LTBP1: variants seen among roughly 807,000 people sequenced by gnomAD.
The protein encoded by LTBP1 is latent transforming growth factor beta binding protein 1, also known as latent-transforming growth factor beta-binding protein 1.
In LTBP1, 129 loss-of-function variants were observed where a neutral mutation model predicts 207.6. That is an observed-to-expected ratio of 0.62 (90% CI 0.54 to 0.72). The LOEUF (loss-of-function observed/expected upper bound fraction) is 0.72. Among genes scored for constraint, LTBP1 ranks in the 30% least tolerant of loss-of-function variants. The pLI, the probability that LTBP1 is intolerant of heterozygous loss-of-function variation, is 0.00. For synonymous variants in LTBP1, 963 were observed against 833.7 expected, an observed-to-expected ratio of 1.16 and a Z score of -2.67; for missense variants, 2,281 against 2,217.2, an observed-to-expected ratio of 1.03 and a Z score of -0.58.
At chr2:33,243,574 A>T (rs2092408741) in intron 9 of LTBP1, 88 bp from the exon 10 acceptor site, 2 of 1,199,406 alleles carry the variant, frequency 1.7e-6, no homozygotes, top group South Asian at 1.4e-5. Flanking sequence ...AGATTACTAT[A>T]GTGAAAAAGG....
intron 5 of LTBP1, among the ~76,000 whole-genome samples, chr2:33,155,214 C>T (rs551983255): frequency 3.3e-5 from 5 of 152,172 alleles, no homozygotes; most frequent in South Asian, 2.1e-4. Flanking sequence ...TACAGGCGCG[C>T]GCCACCATGC....
In LTBP1 at chr2:33,188,569, TGTTG is replaced by T; in HGVS notation, c.1427-7_1427-4del. 1 of 1,603,314 alleles carries T rather than the reference TGTTG, an allele frequency of 6.2e-7. No homozygotes were observed. The highest frequency in any genetic ancestry group is 2.2e-5 in the East Asian group (1 of 44,738). ...GGACTAACAAGTTTTCCTCCCAATC[TGTTG>T]TAGTGAAATTTCCTCCTAACATAGT... On this transcript the variant is annotated splice_region_variant and splice_polypyrimidine_tract_variant and intron_variant, in intron 6 of 33. Coordinates refer to ENST00000404816, the MANE Select transcript of LTBP1 (RefSeq NM_206943.4).
At chr2:33,370,296 A>C (rs534241607) in intron 31 of LTBP1, among the ~76,000 whole-genome samples, 3 of 152,256 alleles carry the variant, frequency 2.0e-5, no homozygotes, top group Non-Finnish European at 4.4e-5. Flanking sequence ...ACATAAATTA[A>C]GCGTAGACAA....
At chr2:33,161,380 C>T (rs959938428) in intron 5 of LTBP1, among the ~76,000 whole-genome samples, 9 of 151,592 alleles carry the variant, frequency 5.9e-5, no homozygotes, top group Non-Finnish European at 1.5e-5. Flanking sequence ...CAGTTCTCTG[C>T]CTCAGCCTCC....
intron 31 of LTBP1, among the ~76,000 whole-genome samples, chr2:33,386,933 C>T (rs559298624): frequency 6.7e-6 from 1 of 149,002 alleles, no homozygotes; most frequent in South Asian, 2.1e-4. Context: ...TAGGTTCAAG[C>T]GATTCTCCTG....
At chr2:33,258,480 G>C (rs1023786832) in intron 12 of LTBP1, among the ~76,000 whole-genome samples, 2 of 152,228 alleles carry the variant, frequency 1.3e-5, no homozygotes, top group East Asian at 3.9e-4. Context: ...GAACGTTTGT[G>C]TGTTCTGGCC....
rs570470554 is a variant in LTBP1, at chr2:33,175,496, A to G, written c.1202-11360A>G. Among the ~76,000 whole-genome samples the G allele has an allele frequency of 2.1e-3, 324 of 152,324 alleles. 1 individual carries two copies. Among genetic ancestry groups the G allele is most frequent in the Middle Eastern group, 6.8e-3 (2 of 294 alleles). On this transcript the variant is annotated intron_variant, in intron 5 of 33. Coordinates refer to ENST00000404816, the MANE Select transcript of LTBP1 (RefSeq NM_206943.4). ...TTAGAATGGCAATCATTAAAAAGTC[A>G]GGAAACAACAGATGCTGGAGAGGGT...
intron 2 of LTBP1, among the ~76,000 whole-genome samples, chr2:33,015,987 C>T (rs1178265588): frequency 6.6e-6 from 1 of 152,160 alleles, no homozygotes; most frequent in Non-Finnish European, 1.5e-5. Context: ...CAGTCACCTC[C>T]CACCAGGCCC....
intron 5 of LTBP1, among the ~76,000 whole-genome samples, chr2:33,176,114 C>A (rs921162381): frequency 6.6e-6 from 1 of 151,216 alleles, no homozygotes; most frequent in Non-Finnish European, 1.5e-5. Context: ...ACGTAACTAA[C>A]CTGCACATTG....
At chr2:33,181,766 C>G (rs2086662380) in intron 5 of LTBP1, among the ~76,000 whole-genome samples, 1 of 152,198 alleles carries the variant, frequency 6.6e-6, no homozygotes, top group Non-Finnish European at 1.5e-5. Flanking sequence ...ACAAGCATCT[C>G]AAGTCAACCT....
At chr2:33,309,857 A>G (rs1219336968) in intron 23 of LTBP1, among the ~76,000 whole-genome samples, 6 of 151,768 alleles carry the variant, frequency 4.0e-5, no homozygotes, top group Non-Finnish European at 7.4e-5. Context: ...AATTATCTTT[A>G]TAGCATCTTT....
chr2:33,313,742 A>G (rs1437750580), intron 23 of LTBP1, among the ~76,000 whole-genome samples: 2 of 152,224 alleles, frequency 1.3e-5, no homozygotes, highest in African/African-American at 4.8e-5. Context: ...AAGGAAAATA[A>G]CTGAGAAATT....
chr2:33,107,367 A>G (rs907055439), intron 3 of LTBP1, among the ~76,000 whole-genome samples: 1 of 151,986 alleles, frequency 6.6e-6, no homozygotes, highest in Non-Finnish European at 1.5e-5. Context: ...TTCTCGGTGC[A>G]CTTTGAATCT....
At chr2:33,390,523 C>T (rs1281800996) in intron 32 of LTBP1, among the ~76,000 whole-genome samples, 2 of 151,614 alleles carry the variant, frequency 1.3e-5, no homozygotes, top group Non-Finnish European at 2.9e-5. Flanking sequence ...GGGTCTCGCT[C>T]TGTTGCCCAG....
intron 5 of LTBP1, among the ~76,000 whole-genome samples, chr2:33,175,538 G>A (rs1192565386): frequency 1.3e-5 from 2 of 152,192 alleles, no homozygotes; most frequent in African/African-American, 2.4e-5. Context: ...AAACAGGAAA[G>A]CTTTTACACT....
At chr2:33,247,359 T>C (rs761340394) in intron 10 of LTBP1, among the ~76,000 whole-genome samples, 2 of 152,218 alleles carry the variant, frequency 1.3e-5, no homozygotes, top group Non-Finnish European at 2.9e-5. Flanking sequence ...TTAAGTAGCT[T>C]CTCACACAGC....
intron 3 of LTBP1, among the ~76,000 whole-genome samples, chr2:33,074,275 G>A (rs2077957812): frequency 6.6e-6 from 1 of 152,214 alleles, no homozygotes; most frequent in African/African-American, 2.4e-5. Flanking sequence ...CTGCCCAAAT[G>A]CAGCAGCAAT....
intron 2 of LTBP1, among the ~76,000 whole-genome samples, 161 bp downstream of exon 2, chr2:32,949,106 A>G (rs1030225695): frequency 1.3e-5 from 2 of 152,220 alleles, no homozygotes; most frequent in Non-Finnish European, 2.9e-5. Flanking sequence ...GGGCTGGGTC[A>G]GGGTAATGTT....
chr2:33,252,653 T>C, intron 10 of LTBP1, 24 bp from the exon 11 acceptor site: 2 of 1,588,204 alleles, frequency 1.3e-6, no homozygotes. Flanking sequence ...TCATGTAATG[T>C]CGGGCTTTAT....
Sources: gnomAD v4.1 joint callset for allele counts (sites outside exome capture counted in the v4.1 genomes callset) on GRCh38, gnomAD v4.1.1 for gene constraint, MANE v1.5 for transcripts, NCBI Gene and HGNC (gene_info 2026-07-23, HGNC 2026-07-21) for gene names.